Variants in LARGE1 observed in about 807,000 individuals in gnomAD.
The protein encoded by LARGE1 is LARGE xylosyl- and glucuronyltransferase 1.
A neutral mutation model predicts 87.6 loss-of-function variants in LARGE1; 43 were observed. The observed-to-expected ratio is 0.49, with a 90% CI of 0.38 to 0.63. The LOEUF (loss-of-function observed/expected upper bound fraction) is 0.63. Ranked by LOEUF, LARGE1 falls within the 30% of genes least tolerant of loss-of-function variation. The pLI is 0.00. For synonymous variants in LARGE1, 434 were observed against 394.6 expected (o/e 1.10, Z -1.18); for missense variants, 802 against 1,000.2 (o/e 0.80, Z 2.67).
At chr22:33,352,841 A>G (rs962101703) in intron 9 of LARGE1, among the ~76,000 whole-genome samples, 16 of 152,192 alleles carry the variant, frequency 1.1e-4, no homozygotes, top group African/African-American at 3.4e-4. Flanking sequence ...TCTTTATGCT[A>G]CCTTTTAAAC....
chr22:33,512,467 G>A (rs1257552481), intron 6 of LARGE1, among the ~76,000 whole-genome samples: 2 of 152,124 alleles, frequency 1.3e-5, no homozygotes, highest in Non-Finnish European at 2.9e-5. Flanking sequence ...GAAAACAACA[G>A]TCTTTAAAAA....
In LARGE1 at chr22:33,798,133, A is replaced by G. The variant is rs5999105; in HGVS notation, c.-82-36575T>C. On this transcript the variant is annotated intron_variant, in intron 1 of 14. Transcript: ENST00000397394. ...ACTGAAATAGCCGTCTCTACTAAAA[A>G]TACAAAATTTAGCCGGGCGTGATGG... Among the ~76,000 whole-genome samples the G allele has an allele frequency of 1.2e-3, 180 of 152,280 alleles. 1 individual carries two copies. The highest frequency in any genetic ancestry group is 4.1e-3 in the African/African-American group (169 of 41,562).
intron 11 of LARGE1, among the ~76,000 whole-genome samples, chr22:33,214,789 C>T (rs1310244014): frequency 6.6e-6 from 1 of 152,220 alleles, no homozygotes; most frequent in Non-Finnish European, 1.5e-5. Flanking sequence ...TTTTCGCCAA[C>T]CTAAGGCAGA....
chr22:33,091,559 C>CAAATAAAT, the LARGE1 span, among the ~76,000 whole-genome samples: 29,479 of 140,290 alleles, frequency 0.21, 3,328 homozygotes, highest in South Asian at 0.35. Flanking sequence ...GACTCCATCT[C>CAAATAAAT]AAATAAATAA....
At chr22:33,695,023 T>C (rs1490666242) in intron 2 of LARGE1, among the ~76,000 whole-genome samples, 4 of 152,150 alleles carry the variant, frequency 2.6e-5, no homozygotes, top group Non-Finnish European at 5.9e-5. Context: ...TAATTTTGTA[T>C]ACTCTCTATT....
At chr22:33,300,166 G>A (rs991253732) in intron 12 of LARGE1, among the ~76,000 whole-genome samples, 2 of 152,212 alleles carry the variant, frequency 1.3e-5, no homozygotes, top group African/African-American at 4.8e-5. Flanking sequence ...TCGACAGAGT[G>A]AGCAGGCTGG....
chr22:33,913,848 G>A (rs1204111194), intron 1 of LARGE1, among the ~76,000 whole-genome samples: 2 of 151,936 alleles, frequency 1.3e-5, no homozygotes, highest in Non-Finnish European at 2.9e-5. Context: ...GTGCCCAACC[G>A]AAAAGTCCTT....
intron 2 of LARGE1, among the ~76,000 whole-genome samples, chr22:33,715,489 T>C (rs539556310): frequency 6.6e-6 from 1 of 152,276 alleles, no homozygotes; most frequent in South Asian, 2.1e-4. Context: ...CCCCACTGCA[T>C]ATGCAGCTAT....
chr22:33,790,755 C>T (rs2085797210), intron 1 of LARGE1, among the ~76,000 whole-genome samples: 1 of 152,150 alleles, frequency 6.6e-6, no homozygotes, highest in African/African-American at 2.4e-5. Context: ...AACTCCGCAT[C>T]CAGAGCATCT....
At chr22:33,595,786 T>C (rs1285748929) in intron 5 of LARGE1, among the ~76,000 whole-genome samples, 1 of 152,228 alleles carries the variant, frequency 6.6e-6, no homozygotes, top group Non-Finnish European at 1.5e-5. Context: ...AGGCTGGGCA[T>C]GAACATAAAT....
intron 1 of LARGE1, among the ~76,000 whole-genome samples, chr22:33,886,662 AAAAAAAAAAAAAG>A (rs1253761809): frequency 2.7e-5 from 4 of 147,958 alleles, no homozygotes; most frequent in South Asian, 2.2e-4. Context: ...CTGCCAAAAA[AAAAAAAAAAAAAG>A]AAAAAAAAAG....
the LARGE1 span, among the ~76,000 whole-genome samples, chr22:33,084,521 G>C: frequency 6.6e-6 from 1 of 151,664 alleles, no homozygotes; most frequent in East Asian, 1.9e-4. Context: ...CTGGTGTGGT[G>C]GCTCACACCT....
the LARGE1 span, among the ~76,000 whole-genome samples, chr22:33,129,640 A>G: frequency 1.3e-5 from 2 of 151,656 alleles, no homozygotes; most frequent in Admixed American, 6.6e-5. Flanking sequence ...TTTATAAAGG[A>G]AAGAGGTTTA....
chr22:33,113,536 C>G, the LARGE1 span, among the ~76,000 whole-genome samples: 1 of 152,212 alleles, frequency 6.6e-6, no homozygotes, highest in Admixed American at 6.5e-5. Context: ...AACTTGTGTG[C>G]ATATTATCAC....
chr22:33,180,458 C>G (rs1361426824), intron 11 of LARGE1, among the ~76,000 whole-genome samples: 2 of 152,172 alleles, frequency 1.3e-5, no homozygotes, highest in Non-Finnish European at 2.9e-5. Context: ...ACCCTCAAAC[C>G]TGCTAGTGGG....
chr22:33,917,567 G>A (rs1051097340), intron 1 of LARGE1, among the ~76,000 whole-genome samples: 8 of 152,166 alleles, frequency 5.3e-5, no homozygotes, highest in Non-Finnish European at 1.0e-4. Context: ...GATGACTGCA[G>A]GGAATATGCA....
chr22:33,857,860 A>C (rs968687172), intron 1 of LARGE1, among the ~76,000 whole-genome samples: 1 of 152,148 alleles, frequency 6.6e-6, no homozygotes, highest in Non-Finnish European at 1.5e-5. Flanking sequence ...TAGAACCAGA[A>C]ATACCATTTG....
chr22:33,633,099 A>G (rs2080159488), intron 3 of LARGE1, among the ~76,000 whole-genome samples: 2 of 152,200 alleles, frequency 1.3e-5, no homozygotes, highest in Non-Finnish European at 2.9e-5. Flanking sequence ...TGATGTTTTT[A>G]GAGTTGCCAG....
chr22:33,203,541 C>T (rs565005477), intron 11 of LARGE1, among the ~76,000 whole-genome samples: 1 of 152,204 alleles, frequency 6.6e-6, no homozygotes, highest in East Asian at 1.9e-4. Flanking sequence ...TGAAGGCTTC[C>T]ACAGCTGTCA....
Sources: gnomAD v4.1 joint callset for allele counts (sites outside exome capture counted in the v4.1 genomes callset) on GRCh38, gnomAD v4.1.1 for gene constraint, MANE v1.5 for transcripts, NCBI Gene and HGNC (gene_info 2026-07-23, HGNC 2026-07-21) for gene names.